GFM1: variants seen among roughly 807,000 people sequenced by gnomAD.
GFM1 encodes G elongation factor mitochondrial 1, also known as elongation factor G, mitochondrial.
Under a neutral mutation model 96.2 loss-of-function variants are expected in GFM1, and 62 were observed. That is an observed-to-expected ratio of 0.64 (90% confidence interval 0.53 to 0.80). The LOEUF (loss-of-function observed/expected upper bound fraction) is 0.80. Among genes scored for constraint, GFM1 ranks in the 30% least tolerant of loss-of-function variants. The pLI is 0.00. For missense variants in GFM1, 852 were observed against 916.6 expected (o/e 0.93, Z 0.91); for synonymous variants, 282 against 312.9 (o/e 0.90, Z 1.04).
intron 13 of GFM1, chr3:158,671,073 T>C: frequency 7.0e-7 from 1 of 1,420,846 alleles, no homozygotes; most frequent in East Asian, 2.7e-5. Context: ...AACATTATAC[T>C]TGCATTGTTA....
In GFM1 at chr3:158,649,106, G is replaced by A. The variant is rs147343266; in HGVS notation, c.638G>A (p.Gly213Asp). 6.3e-7 allele frequency: 1 copy of A among 1,575,314 alleles called. No individual in the cohort carries two copies. The highest frequency in any genetic ancestry group is 1.4e-5 in the African/African-American group (1 of 74,020). The change falls in exon 5 of 18, where the codon GGT becomes GAT. Residue 213 changes from glycine (G) to aspartate (D), a missense_variant. Gly to Asp is a moderately conservative substitution (Grantham distance 94). Coordinates refer to ENST00000486715, the MANE Select transcript of GFM1 (RefSeq NM_024996.7). ...ATGGGTTTGGAGGGTAATTTTAAAG[G>A]TATTGTAGATCTTATTGAGGAACGA... The part of the protein sequence containing the change: ...IPMGLEGNFK[G>D]IVDLIEERAI...
At chr3:158,689,788 A>G (rs1237391126) in intron 15 of GFM1, among the ~76,000 whole-genome samples, 7 of 151,948 alleles carry the variant, frequency 4.6e-5, no homozygotes, top group African/African-American at 1.7e-4. Context: ...ACCTTGGTCA[A>G]ATTTGTAACA....
At chr3:158,683,560 C>T (rs888779222) in intron 14 of GFM1, among the ~76,000 whole-genome samples, 4 of 152,184 alleles carry the variant, frequency 2.6e-5, no homozygotes, top group Admixed American at 2.6e-4. Flanking sequence ...CGTTTTGTAA[C>T]ACTAGAGCTA....
chr3:158,646,534 T>C (rs951060350), intron 3 of GFM1, among the ~76,000 whole-genome samples: 3 of 152,238 alleles, frequency 2.0e-5, no homozygotes, highest in African/African-American at 7.2e-5. Context: ...TTCTAGCTGA[T>C]TCTAAAGGTG....
intron 7 of GFM1, among the ~76,000 whole-genome samples, chr3:158,653,688 ACTCT>A (rs1722490159): frequency 1.3e-5 from 2 of 150,648 alleles, no homozygotes; most frequent in South Asian, 4.2e-4. Context: ...GATTTGTTTT[ACTCT>A]CTCTCAAGGT....
intron 13 of GFM1, chr3:158,667,016 G>GA (rs1201084730): frequency 6.3e-7 from 1 of 1,597,160 alleles, no homozygotes. Context: ...CTTTACCTGA[G>GA]ATGCTATATT....
rs1723660259 is a variant in GFM1 at position 158,666,200 on chromosome 3, CTATTA to C, written c.1519-99_1519-95del. ...CTAAAATGATTTAAGATTTGTTTAT[CTATTA>C]TATTTAAGTGAATGCTACTAAGATA... On this transcript the variant is annotated intron_variant, in intron 12 of 17. Transcript: ENST00000486715. 5.2e-6 allele frequency: 4 copies of C among 774,150 alleles called. No individual in the cohort carries two copies. The Admixed American group carries it at 8.6e-5, about 17-fold the overall frequency. The allele number at this position is 774,150 out of a possible 1,614,324, so 48.0% of individuals were successfully genotyped here. A position where few individuals can be genotyped will look rare whatever the true frequency, so the allele number is the denominator to read the frequency against.
At position 158,659,247 on chromosome 3, in the gene GFM1, A is replaced by AT. The variant is rs544683702; in HGVS notation, c.1221+196dup. Among the ~76,000 whole-genome samples the AT allele has an allele frequency of 1.1e-4, 16 of 152,094 alleles. No homozygotes were observed. In the South Asian group the frequency reaches 2.7e-3, roughly 26 times the overall value. ...AGGATAAATTAGCAGTTGTTAACTC[A>AT]TTTTTTTTAATACCGCTAGTTGTGA... On this transcript the variant is annotated intron_variant, in intron 9 of 17. Coordinates refer to ENST00000486715, the MANE Select transcript of GFM1 (RefSeq NM_024996.7).
At chr3:158,688,744 C>T (rs1247421105) in intron 15 of GFM1, among the ~76,000 whole-genome samples, 1 of 152,184 alleles carries the variant, frequency 6.6e-6, no homozygotes, top group Non-Finnish European at 1.5e-5. Context: ...GCCAGTGAAG[C>T]ATAGGAGTCT....
intron 13 of GFM1, among the ~76,000 whole-genome samples, chr3:158,668,274 T>A (rs1723910112): frequency 6.6e-6 from 1 of 152,332 alleles, no homozygotes; most frequent in African/African-American, 2.4e-5. Context: ...AGATTACTTA[T>A]AATACCAAAT....
In GFM1 at chr3:158,674,501, T is replaced by C. The variant is rs201936416; in HGVS notation, c.1602-7494T>C. On this transcript the variant is annotated intron_variant, in intron 13 of 17. Coordinates refer to ENST00000486715, the MANE Select transcript of GFM1 (RefSeq NM_024996.7). ...CTCCTGGGATAAATTTACCAAAGAA[T>C]TGGTGAAATTTGGGGAACTTTGACA... Among the ~76,000 whole-genome samples the C allele has an allele frequency of 5.9e-5, 9 of 152,252 alleles. No homozygotes were observed. The East Asian group carries it at 9.6e-4, about 16-fold the overall frequency.
intron 12 of GFM1, among the ~76,000 whole-genome samples, chr3:158,665,850 T>C (rs1723620807): frequency 6.6e-6 from 1 of 152,160 alleles, no homozygotes; most frequent in Non-Finnish European, 1.5e-5. Flanking sequence ...TTGAAGATCA[T>C]TATAATATAG....
At chr3:158,674,412 A>G (rs370407470) in intron 13 of GFM1, among the ~76,000 whole-genome samples, 8 of 151,960 alleles carry the variant, frequency 5.3e-5, no homozygotes, top group African/African-American at 1.9e-4. Context: ...CCATGGCAAT[A>G]TTTTTGCAAA....
chr3:158,686,422 T>C (rs1273788354), intron 15 of GFM1, among the ~76,000 whole-genome samples: 2 of 149,032 alleles, frequency 1.3e-5, no homozygotes, highest in East Asian at 3.9e-4. Flanking sequence ...TGTATATATA[T>C]AATATATCTT....
chr3:158,691,486 G>C lies in GFM1; in HGVS notation c.*19G>C. 1 of 1,612,580 alleles carries C rather than the reference G, an allele frequency of 6.2e-7. No homozygotes were observed. The highest frequency in any genetic ancestry group is 8.5e-7 in the Non-Finnish European group (1 of 1,179,270). On this transcript the variant is annotated 3_prime_UTR_variant, in exon 18 of 18. Coordinates refer to ENST00000486715, the MANE Select transcript of GFM1 (RefSeq NM_024996.7). Reference sequence around the variant, plus strand: ...GAACTAACTTTGCTTACTGTGAGTTGACTGACTCTAATTGAATCTGCGTGG... The same window carrying C: ...GAACTAACTTTGCTTACTGTGAGTTCACTGACTCTAATTGAATCTGCGTGG...
At chr3:158,680,773 G>A (rs2081511016) in intron 13 of GFM1, among the ~76,000 whole-genome samples, 1 of 152,134 alleles carries the variant, frequency 6.6e-6, no homozygotes, top group Non-Finnish European at 1.5e-5. Flanking sequence ...TGGCACATAA[G>A]TATTCTGTTG....
At chr3:158,654,836 G>A (rs1461104789) in intron 8 of GFM1, among the ~76,000 whole-genome samples, 1 of 152,150 alleles carries the variant, frequency 6.6e-6, no homozygotes, top group Non-Finnish European at 1.5e-5. Flanking sequence ...CTCTTTGCCT[G>A]AAGAGTGTAA....
At chr3:158,679,490 G>GC (rs1725185775) in intron 13 of GFM1, among the ~76,000 whole-genome samples, 2 of 152,090 alleles carry the variant, frequency 1.3e-5, no homozygotes, top group South Asian at 4.1e-4. Context: ...GGACTAAGTA[G>GC]CTTTTAAAAA....
At chr3:158,645,923 G>A in intron 2 of GFM1, 142 bp downstream of exon 2, 1 of 903,222 alleles carries the variant, frequency 1.1e-6, no homozygotes, top group African/African-American at 1.7e-5. Flanking sequence ...TCTGAAAGTT[G>A]CTTAAGTTAA....
Sources: allele counts gnomAD v4.1 joint callset (sites outside exome capture counted in the v4.1 genomes callset), GRCh38; gene constraint gnomAD v4.1.1; transcripts MANE v1.5; gene names NCBI Gene and HGNC (gene_info 2026-07-23, HGNC 2026-07-21).